SELP: variants seen among roughly 807,000 people sequenced by gnomAD.
SELP encodes the protein selectin P, also known as P-selectin.
Under a neutral mutation model 104.1 loss-of-function variants are expected in SELP, and 92 were observed. The ratio of observed to expected loss-of-function variants is 0.88; its 90% CI spans 0.75 to 1.05. SELP has a LOEUF of 1.05. Ranked by LOEUF, SELP falls within the 50% of genes least tolerant of loss-of-function variation. The probability of loss-of-function intolerance (pLI) is 0.00; values close to 1 mark genes in which losing one functional copy is unlikely to be tolerated. For missense variants in SELP, 1,022 were observed against 1,017.3 expected (o/e 1.00, Z -0.06); for synonymous variants, 397 against 364.5 (o/e 1.09, Z -1.01).
intron 3 of SELP, among the ~76,000 whole-genome samples, chr1:169,614,542 T>G (rs1051340152): frequency 2.6e-5 from 4 of 152,188 alleles, no homozygotes; most frequent in East Asian, 3.8e-4. Context: ...AATGAGGTCA[T>G]AGTTGGGGGT....
intron 13 of SELP, among the ~76,000 whole-genome samples, chr1:169,594,272 A>C (rs1025035737): frequency 1.6e-4 from 25 of 152,192 alleles, no homozygotes; most frequent in Non-Finnish European, 2.1e-4. Context: ...AGGGGGCTGA[A>C]ATATACCTTG....
chr1:169,617,278 A>G lies in SELP; in HGVS notation c.231T>C (p.Asp77=), dbSNP rs1246500313. 7 of 1,613,962 alleles carry G rather than the reference A, an allele frequency of 4.3e-6. No homozygotes were observed. Residue 77 remains aspartate, a synonymous_variant, in exon 3 of 17, where the codon GAT becomes GAC. Coordinates refer to ENST00000263686, the MANE Select transcript of SELP (RefSeq NM_003005.4). ...AGTAGGGTAGGACCTTATTGAGGTA[A>G]TCAATTTCATTTTTATTCTGGATGG... ...LVAIQNKNEI[D]YLNKVLPYYS...
chr1:169,600,348 C>T (rs1048791406), intron 10 of SELP, among the ~76,000 whole-genome samples: 9 of 152,154 alleles, frequency 5.9e-5, no homozygotes, highest in Admixed American at 1.3e-4. Flanking sequence ...TATACGTAAT[C>T]TAAAGACGGT....
intron 16 of SELP, among the ~76,000 whole-genome samples, 155 bp downstream of exon 16, chr1:169,589,992 G>A (rs1238470046): frequency 5.9e-5 from 9 of 152,202 alleles, no homozygotes; most frequent in Non-Finnish European, 1.3e-4. Context: ...TGTCATACCT[G>A]TGTCCTACTG....
chr1:169,606,923 T>C, intron 9 of SELP, 26 bp downstream of exon 9: 2 of 1,594,640 alleles, frequency 1.3e-6, no homozygotes, highest in Non-Finnish European at 1.7e-6. Context: ...TTTATTTCCA[T>C]GATGTTAGAA....
At chr1:169,630,038 C>T (rs1663560319) in intron 1 of SELP, 34 bp downstream of exon 1, 3 of 1,614,020 alleles carry the variant, frequency 1.9e-6, no homozygotes, top group African/African-American at 2.7e-5. Context: ...CAACTCACTT[C>T]AACCACTTCC....
chr1:169,620,439 A>G (rs573376031), intron 1 of SELP, among the ~76,000 whole-genome samples: 2 of 138,250 alleles, frequency 1.4e-5, no homozygotes, highest in East Asian at 4.2e-4. Flanking sequence ...CCCATGCTGC[A>G]TTGCTGTTTT....
intron 1 of SELP, among the ~76,000 whole-genome samples, chr1:169,621,511 G>A (rs1444594820): frequency 2.6e-5 from 4 of 151,298 alleles, no homozygotes; most frequent in Admixed American, 6.6e-5. Flanking sequence ...GTGTGGGGTT[G>A]TGTATGTGTC....
chr1:169,612,165 A>T (rs1477071263), intron 6 of SELP, 52 bp downstream of exon 6: 14 of 1,569,952 alleles, frequency 8.9e-6, no homozygotes, highest in Admixed American at 1.7e-5. Context: ...CTATGCACTA[A>T]GTAAGGACTG....
chr1:169,590,261 TCCAAC>T, intron 15 of SELP, 59 bp from the exon 16 acceptor site: 1 of 1,222,276 alleles, frequency 8.2e-7, no homozygotes. Context: ...GACAACACAG[TCCAAC>T]ACATAGTATT....
intron 8 of SELP, among the ~76,000 whole-genome samples, chr1:169,608,740 T>C (rs1408973699): frequency 1.3e-5 from 2 of 152,096 alleles, no homozygotes; most frequent in African/African-American, 4.8e-5. Flanking sequence ...CAAGGTATAC[T>C]TAGGAACCCA....
chr1:169,596,183 C>A (rs754736469), intron 11 of SELP, 49 bp from the exon 12 acceptor site: 2 of 1,551,848 alleles, frequency 1.3e-6, no homozygotes, highest in Non-Finnish European at 1.8e-6. Context: ...TTAAAAGAAG[C>A]GTTAACAGAG....
chr1:169,611,154 A>C (rs996449231), intron 7 of SELP, among the ~76,000 whole-genome samples: 1 of 152,142 alleles, frequency 6.6e-6, no homozygotes. Flanking sequence ...TACATGGTGA[A>C]CCACTCTCTT....
intron 14 of SELP, among the ~76,000 whole-genome samples, chr1:169,591,896 C>A (rs1334235874): frequency 1.3e-5 from 2 of 152,084 alleles, no homozygotes; most frequent in African/African-American, 4.8e-5. Context: ...TCTTATTTGG[C>A]CATAGAAAAC....
At chr1:169,596,478 G>C (rs1194502511) in intron 11 of SELP, among the ~76,000 whole-genome samples, 1 of 152,206 alleles carries the variant, frequency 6.6e-6, no homozygotes, top group Non-Finnish European at 1.5e-5. Flanking sequence ...GCCCAACCCT[G>C]CCTTATTGGG....
rs552255000 is a variant in SELP, at chr1:169,618,872, G to A, written c.94+257C>T. ...TATAAAAGAAATTCAGACGTGTGTG[G>A]GTCTTTGAAAATTTTGTGCGTCTGT... On this transcript the variant is annotated intron_variant, in intron 2 of 16. Transcript: ENST00000263686. Among the ~76,000 whole-genome samples, 5 of 152,236 alleles carry A rather than the reference G, an allele frequency of 3.3e-5. No individual in the cohort carries two copies. In the South Asian group the frequency reaches 1.0e-3, roughly 32 times the overall value.
chr1:169,597,060 G>A lies in SELP; in HGVS notation c.1822C>T (p.Leu608=), dbSNP rs376152330. Reference sequence around the variant, plus strand: ...CATTCCACATTATTGGGCCCCTCCAGCTTAAAGCCGTTGTCACAAGAGAAA... The same window carrying A: ...CATTCCACATTATTGGGCCCCTCCAACTTAAAGCCGTTGTCACAAGAGAAA... ...CHFSCDNGFK[L]EGPNNVECTT... is the part of the protein sequence containing the mutation. Residue 608 remains leucine (L), a synonymous_variant, in exon 11 of 17, where the codon CTG becomes TTG. Coordinates refer to ENST00000263686, the MANE Select transcript of SELP (RefSeq NM_003005.4). The A allele has an allele frequency of 4.3e-6, 7 of 1,613,310 alleles. No homozygotes were observed. The highest frequency in any genetic ancestry group is 5.9e-6 in the Non-Finnish European group (7 of 1,179,652).
At chr1:169,593,823 C>A (rs995222117) in intron 13 of SELP, 99 bp from the exon 14 acceptor site, 132 of 1,259,600 alleles carry the variant, frequency 1.0e-4, no homozygotes, top group Non-Finnish European at 1.3e-4. Flanking sequence ...CTAAGATGTG[C>A]GATCAAGTAG....
intron 3 of SELP, 63 bp downstream of exon 3, chr1:169,616,965 C>CGGATCATTA: frequency 5.3e-6 from 8 of 1,497,982 alleles, no homozygotes; most frequent in South Asian, 2.8e-5. Flanking sequence ...TTATGTTGGC[C>CGGATCATTA]AACCAGAGAA....
Sources: gnomAD v4.1 joint callset for allele counts (sites outside exome capture counted in the v4.1 genomes callset) on GRCh38, gnomAD v4.1.1 for gene constraint, MANE v1.5 for transcripts, NCBI Gene and HGNC (gene_info 2026-07-23, HGNC 2026-07-21) for gene names.